The following GRM8 variants were observed in gnomAD, a reference collection of about 807,000 sequenced individuals.
GRM8 encodes the protein metabotropic glutamate receptor 8.
Under a neutral mutation model 87.2 loss-of-function variants are expected in GRM8, and 47 were observed. The ratio of observed to expected loss-of-function variants is 0.54; its 90% CI spans 0.43 to 0.69. The LOEUF (loss-of-function observed/expected upper bound fraction) is 0.69. GRM8 is among the 30% of genes least tolerant of loss of function. GRM8 has a pLI of 0.00. For synonymous variants in GRM8, 396 were observed against 404.5 expected (o/e 0.98, Z 0.25); for missense variants, 1,019 against 1,139.2 (o/e 0.89, Z 1.52).
chr7:127,108,619 A>C (rs1298716385), intron 2 of GRM8, among the ~76,000 whole-genome samples: 1 of 152,200 alleles, frequency 6.6e-6, no homozygotes, highest in East Asian at 1.9e-4. Context: ...CCCTTTCTAA[A>C]AATGAGCAGA....
chr7:126,655,493 G>C (rs1220696102), intron 7 of GRM8, among the ~76,000 whole-genome samples: 2 of 130,698 alleles, frequency 1.5e-5, no homozygotes, highest in East Asian at 2.3e-4. Context: ...CTCTCTCTCT[G>C]TTGCTGTCTC....
intron 9 of GRM8, among the ~76,000 whole-genome samples, chr7:126,468,258 C>T (rs1351769973): frequency 5.4e-5 from 3 of 55,676 alleles, no homozygotes; most frequent in African/African-American, 2.6e-4. Flanking sequence ...GTACCATTGA[C>T]ATAATATTTG....
Position 126,702,923 on chromosome 7 carries a change from G to A in GRM8, c.1357+66942C>T, listed in dbSNP as rs571318841. ...AATAAGGGGAAGAGAATTCCAGACC[G>A]AGAAAATAGCAAGCGTACAGGGTCA... is the stretch of plus-strand genomic sequence containing the variant. On this transcript the variant is annotated intron_variant, in intron 7 of 10. Coordinates refer to ENST00000339582, the MANE Select transcript of GRM8 (RefSeq NM_000845.3). 1.6e-3 allele frequency among the ~76,000 whole-genome samples: 244 copies of A among 152,210 alleles called. 1 individual carries two copies. Among genetic ancestry groups the A allele is most frequent in the South Asian group, 0.014 (69 of 4,820 alleles).
At chr7:126,471,324 G>A (rs1371607986) in intron 9 of GRM8, among the ~76,000 whole-genome samples, 1 of 152,104 alleles carries the variant, frequency 6.6e-6, no homozygotes, top group Non-Finnish European at 1.5e-5. Flanking sequence ...ATGGTTTTAG[G>A]TCTAACGTTT....
At chr7:126,593,424 T>G (rs1274406782) in intron 8 of GRM8, among the ~76,000 whole-genome samples, 1 of 151,906 alleles carries the variant, frequency 6.6e-6, no homozygotes, top group Non-Finnish European at 1.5e-5. Context: ...TGGAACAGAA[T>G]AGAGAGCCCT....
At chr7:127,078,849 G>C (rs1822557930) in intron 3 of GRM8, among the ~76,000 whole-genome samples, 1 of 152,144 alleles carries the variant, frequency 6.6e-6, no homozygotes, top group Admixed American at 6.5e-5. Context: ...ATTTTCCAAA[G>C]CTTTGTAAGC....
At chr7:126,653,993 T>C (rs562148171) in intron 7 of GRM8, among the ~76,000 whole-genome samples, 1 of 152,284 alleles carries the variant, frequency 6.6e-6, no homozygotes, top group Admixed American at 6.5e-5. Context: ...AAAAGCATAG[T>C]CCTAGAGTCC....
intron 9 of GRM8, among the ~76,000 whole-genome samples, chr7:126,473,849 A>T (rs991670292): frequency 1.3e-5 from 2 of 151,980 alleles, no homozygotes; most frequent in African/African-American, 4.8e-5. Flanking sequence ...TGGTTTTATA[A>T]AGGACAGTTA....
chr7:126,834,934 G>A (rs1795703927), intron 6 of GRM8, among the ~76,000 whole-genome samples: 1 of 151,880 alleles, frequency 6.6e-6, no homozygotes, highest in Non-Finnish European at 1.5e-5. Context: ...AAATTAGCCA[G>A]GTGTGGTGGT....
At chr7:127,015,764 T>G (rs976233834) in intron 3 of GRM8, among the ~76,000 whole-genome samples, 3 of 152,090 alleles carry the variant, frequency 2.0e-5, no homozygotes, top group African/African-American at 7.2e-5. Context: ...TAGAGCTGAT[T>G]TTCCTATTTC....
intron 9 of GRM8, among the ~76,000 whole-genome samples, chr7:126,446,573 T>A (rs529094514): frequency 1.3e-5 from 2 of 152,170 alleles, no homozygotes; most frequent in East Asian, 3.9e-4. Context: ...TATTTTTTTA[T>A]TGAACCCAAT....
At chr7:126,550,335 A>G (rs937530998) in intron 8 of GRM8, among the ~76,000 whole-genome samples, 3 of 151,852 alleles carry the variant, frequency 2.0e-5, no homozygotes, top group East Asian at 1.9e-4. Context: ...GATGGTCTCA[A>G]TCTCTTGACC....
intron 3 of GRM8, among the ~76,000 whole-genome samples, chr7:127,073,417 A>G (rs11563501): frequency 0.012 from 1,838 of 152,284 alleles, 45 homozygotes; most frequent in African/African-American, 0.042. Flanking sequence ...GCAGGTTTTG[A>G]GAAGACAGAT....
chr7:126,704,629 GC>G (rs1482010520), intron 7 of GRM8, among the ~76,000 whole-genome samples: 1 of 152,044 alleles, frequency 6.6e-6, no homozygotes, highest in Admixed American at 6.6e-5. Flanking sequence ...AAGAGAATGC[GC>G]CCCTGAGGAT....
intron 7 of GRM8, among the ~76,000 whole-genome samples, chr7:126,626,132 A>G (rs1421853538): frequency 2.5e-5 from 2 of 78,962 alleles, no homozygotes; most frequent in African/African-American, 8.0e-5. Flanking sequence ...GTGTGTGTGT[A>G]CATATGGTCC....
At chr7:126,681,480 A>C (rs890847999) in intron 7 of GRM8, among the ~76,000 whole-genome samples, 1 of 152,242 alleles carries the variant, frequency 6.6e-6, no homozygotes, top group South Asian at 2.1e-4. Context: ...ACATTTTAAC[A>C]TAAGATTGCA....
At chr7:127,082,712 G>A (rs1823000940) in intron 3 of GRM8, among the ~76,000 whole-genome samples, 1 of 152,082 alleles carries the variant, frequency 6.6e-6, no homozygotes, top group South Asian at 2.1e-4. Context: ...TAATAATAAT[G>A]GCAAACATTT....
At chr7:126,712,784 A>C (rs1811246180) in intron 7 of GRM8, among the ~76,000 whole-genome samples, 1 of 152,220 alleles carries the variant, frequency 6.6e-6, no homozygotes, top group Admixed American at 6.5e-5. Flanking sequence ...TGGGCAAAGG[A>C]TATGAATAGA....
intron 2 of GRM8, among the ~76,000 whole-genome samples, chr7:127,114,958 G>C (rs189628813): frequency 6.6e-6 from 1 of 152,220 alleles, no homozygotes; most frequent in Admixed American, 6.5e-5. Context: ...CAACCTAGAA[G>C]GAGTCAGAGG....
Sources: allele counts gnomAD v4.1 joint callset (sites outside exome capture counted in the v4.1 genomes callset), GRCh38; gene constraint gnomAD v4.1.1; transcripts MANE v1.5; gene names NCBI Gene and HGNC (gene_info 2026-07-23, HGNC 2026-07-21).